The following ADK variants were observed in gnomAD, a reference collection of about 807,000 sequenced individuals.
The protein encoded by ADK is N6,N6-dimethyladenosine kinase.
ADK carries 24 observed loss-of-function variants against 44.7 expected under a neutral mutation model. That is an observed-to-expected ratio of 0.54 (90% CI 0.39 to 0.76). The LOEUF is 0.76. Among genes scored for constraint, ADK ranks in the 30% least tolerant of loss-of-function variants. The pLI is 0.00. For synonymous variants in ADK, 128 were observed against 142.6 expected, an observed-to-expected ratio of 0.90 and a Z score of 0.73; for missense variants, 321 against 425.1, an observed-to-expected ratio of 0.76 and a Z score of 2.15.
At chr10:74,595,855 G>T (rs1331497616) in intron 8 of ADK, among the ~76,000 whole-genome samples, 6 of 151,130 alleles carry the variant, frequency 4.0e-5, no homozygotes, top group Admixed American at 3.3e-4. Context: ...AAATTAGTTG[G>T]GTGTGGTGGC....
At chr10:74,155,945 C>T (rs1451678328) in intron 1 of ADK, among the ~76,000 whole-genome samples, 2 of 152,172 alleles carry the variant, frequency 1.3e-5, no homozygotes, top group Non-Finnish European at 2.9e-5. Context: ...TATTGCATGC[C>T]TTTTACTTAT....
At chr10:74,462,420 A>G (rs962127734) in intron 6 of ADK, among the ~76,000 whole-genome samples, 37 of 152,306 alleles carry the variant, frequency 2.4e-4, no homozygotes, top group African/African-American at 8.7e-4. Flanking sequence ...AAAAAAGTAT[A>G]GAAAGTATTT....
At chr10:74,372,339 C>T (rs1358975423) in intron 4 of ADK, 14 of 748,384 alleles carry the variant, frequency 1.9e-5, no homozygotes, top group East Asian at 1.7e-4. Flanking sequence ...GAGTGCTGAG[C>T]CTGCCACGGA....
chr10:74,675,912 A>G (rs908213432), intron 10 of ADK, among the ~76,000 whole-genome samples: 2 of 152,134 alleles, frequency 1.3e-5, no homozygotes, highest in African/African-American at 4.8e-5. Context: ...AGCTGTGGGA[A>G]TATGGACAGG....
chr10:74,666,555 A>G (rs1259690215), intron 9 of ADK, among the ~76,000 whole-genome samples: 2 of 151,238 alleles, frequency 1.3e-5, no homozygotes, highest in Non-Finnish European at 1.5e-5. Context: ...AGGTAGAAGT[A>G]CTTGATCAAA....
At chr10:74,596,353 G>A (rs937559748) in intron 8 of ADK, among the ~76,000 whole-genome samples, 1 of 152,072 alleles carries the variant, frequency 6.6e-6, no homozygotes. Flanking sequence ...CTACTGCCTA[G>A]AGTAGTTCAG....
intron 1 of ADK, among the ~76,000 whole-genome samples, chr10:74,188,877 AT>A (rs891985616): frequency 2.0e-5 from 3 of 151,936 alleles, no homozygotes; most frequent in African/African-American, 7.3e-5. Context: ...GGTTCAAGCG[AT>A]TCTTCTGCCT....
intron 1 of ADK, among the ~76,000 whole-genome samples, chr10:74,165,698 A>T (rs992404211): frequency 1.3e-5 from 2 of 151,962 alleles, no homozygotes; most frequent in Non-Finnish European, 2.9e-5. Context: ...ATTATGTATG[A>T]AGATAGAAAT....
chr10:74,515,403 C>T (rs1381533552), intron 6 of ADK, among the ~76,000 whole-genome samples: 3 of 152,136 alleles, frequency 2.0e-5, no homozygotes, highest in African/African-American at 7.2e-5. Flanking sequence ...GATTGGCTTA[C>T]TGAGACTGGG....
At chr10:74,491,810 C>A (rs759317834) in intron 6 of ADK, among the ~76,000 whole-genome samples, 1 of 151,934 alleles carries the variant, frequency 6.6e-6, no homozygotes, top group Non-Finnish European at 1.5e-5. Context: ...GTTGCTTTCC[C>A]CCCCGATAGA....
intron 4 of ADK, among the ~76,000 whole-genome samples, chr10:74,318,021 C>T (rs1465368939): frequency 8.5e-5 from 13 of 152,096 alleles, no homozygotes; most frequent in Admixed American, 8.5e-4. Context: ...ACCTTGTGAT[C>T]CACCCGCCTC....
At chr10:74,296,515 T>C (rs1022465706) in intron 3 of ADK, among the ~76,000 whole-genome samples, 1 of 152,130 alleles carries the variant, frequency 6.6e-6, no homozygotes, top group African/African-American at 2.4e-5. Context: ...TTATAGAGAA[T>C]AGGCGCTTTC....
intron 9 of ADK, among the ~76,000 whole-genome samples, chr10:74,669,832 A>G (rs1005795837): frequency 6.6e-6 from 1 of 152,186 alleles, no homozygotes; most frequent in Non-Finnish European, 1.5e-5. Context: ...TTAGAAACCC[A>G]TGATCCAATC....
intron 7 of ADK, among the ~76,000 whole-genome samples, chr10:74,526,262 GT>G (rs1435140031): frequency 1.3e-5 from 2 of 152,038 alleles, no homozygotes; most frequent in Non-Finnish European, 2.9e-5. Flanking sequence ...AACAAGTACA[GT>G]TTTTTCTTTC....
intron 3 of ADK, among the ~76,000 whole-genome samples, chr10:74,300,152 G>A (rs775339279): frequency 6.6e-6 from 1 of 151,086 alleles, no homozygotes; most frequent in Non-Finnish European, 1.5e-5. Context: ...CCAAAGTGTT[G>A]GGATTATAGG....
chr10:74,377,498 A>G (rs964672201), intron 4 of ADK, among the ~76,000 whole-genome samples: 2 of 152,352 alleles, frequency 1.3e-5, no homozygotes, highest in African/African-American at 2.4e-5. Flanking sequence ...GAGACTTAAC[A>G]TTAAAAATGT....
chr10:74,356,693 C>G (rs1168002964), intron 4 of ADK, among the ~76,000 whole-genome samples: 3 of 152,150 alleles, frequency 2.0e-5, no homozygotes, highest in Non-Finnish European at 4.4e-5. Flanking sequence ...TTTAGTCACC[C>G]TTACACCTAA....
chr10:74,480,594 T>C (rs751959624), intron 6 of ADK, among the ~76,000 whole-genome samples: 11 of 152,100 alleles, frequency 7.2e-5, no homozygotes, highest in Admixed American at 6.6e-5. Flanking sequence ...CCTAATTTTC[T>C]TATTCTTATT....
chr10:74,470,153 T>G (rs1846513892), intron 6 of ADK, among the ~76,000 whole-genome samples: 1 of 150,890 alleles, frequency 6.6e-6, no homozygotes, highest in Non-Finnish European at 1.5e-5. Context: ...GCCTCCGGAG[T>G]AGCTGGGACT....
Sources: gnomAD v4.1 joint callset for allele counts (sites outside exome capture counted in the v4.1 genomes callset) on GRCh38, gnomAD v4.1.1 for gene constraint, MANE v1.5 for transcripts, NCBI Gene and HGNC (gene_info 2026-07-23, HGNC 2026-07-21) for gene names.